The following ZNF679 variants were observed in gnomAD, a reference collection of about 807,000 sequenced individuals.
ZNF679 encodes zinc finger protein 679.
Under a neutral mutation model 13.4 loss-of-function variants are expected in ZNF679, and 10 were observed. The ratio of observed to expected loss-of-function variants is 0.75; its 90% CI spans 0.46 to 1.27. ZNF679 has a LOEUF of 1.27. Ranked by LOEUF, ZNF679 falls within the 50% of genes most tolerant of loss-of-function variation. ZNF679 has a pLI of 0.00. For missense variants in ZNF679, 525 were observed against 477.8 expected, an observed-to-expected ratio of 1.10 and a Z score of -0.92; for synonymous variants, 179 against 162.5, an observed-to-expected ratio of 1.10 and a Z score of -0.77.
At chr7:64,256,939 G>C (rs924051939) in intron 2 of ZNF679, among the ~76,000 whole-genome samples, 6 of 151,926 alleles carry the variant, frequency 3.9e-5, no homozygotes, top group Non-Finnish European at 7.4e-5. Context: ...ATCATGATCC[G>C]CCCGTCTTGG....
At chr7:64,236,538 C>T (rs1450249267) in intron 1 of ZNF679, among the ~76,000 whole-genome samples, 1 of 151,946 alleles carries the variant, frequency 6.6e-6, no homozygotes, top group East Asian at 2.0e-4. Flanking sequence ...AATCCCAGCA[C>T]TTTGTGGAGG....
At chr7:64,236,967 AAG>A (rs1787730999) in intron 1 of ZNF679, among the ~76,000 whole-genome samples, 2 of 24,028 alleles carry the variant, frequency 8.3e-5, no homozygotes, top group African/African-American at 2.7e-4. Flanking sequence ...GAAAGAAAGA[AAG>A]AAAGAAAAAG....
At chr7:64,236,946 AAAG>A (rs773840801) in intron 1 of ZNF679, among the ~76,000 whole-genome samples, 5 of 38,104 alleles carry the variant, frequency 1.3e-4, no homozygotes, top group Non-Finnish European at 2.1e-4. Flanking sequence ...AGAAAGAAAG[AAAG>A]AAAGAAAGAA....
chr7:64,260,174 G>A (rs772930626), intron 2 of ZNF679, 47 bp from the exon 3 acceptor site: 12 of 1,539,704 alleles, frequency 7.8e-6, no homozygotes, highest in Middle Eastern at 1.7e-4. Context: ...CATAGTAAGT[G>A]TTTGTGTGTT....
At chr7:64,264,308 A>G (rs929811080) in intron 4 of ZNF679, among the ~76,000 whole-genome samples, 12 of 152,026 alleles carry the variant, frequency 7.9e-5, no homozygotes, top group African/African-American at 2.4e-4. Flanking sequence ...TATCTACCCT[A>G]TACATCTTAT....
chr7:64,238,389 C>G (rs1787754009), intron 1 of ZNF679, among the ~76,000 whole-genome samples: 3 of 152,038 alleles, frequency 2.0e-5, no homozygotes, highest in Admixed American at 2.0e-4. Flanking sequence ...TCCCCCATTG[C>G]AACACTATTA....
rs764672354 is a variant in ZNF679, at chr7:64,266,046, AAGG to A, written c.417_419del (p.Gly140del). On this transcript the variant is annotated inframe_deletion, in exon 5 of 5. Coordinates refer to ENST00000421025, the MANE Select transcript of ZNF679 (RefSeq NM_153363.3). ...AGCATGGGTGAGTGTGAGGTGCAAA[AAGG>A]AGGTTGTAATGAAGTTAACCAATGT... The A allele has an allele frequency of 1.2e-6, 2 of 1,613,492 alleles. No homozygotes were observed. The highest frequency in any genetic ancestry group is 2.2e-5 in the East Asian group (1 of 44,800).
intron 1 of ZNF679, among the ~76,000 whole-genome samples, chr7:64,230,561 A>C (rs910044602): frequency 3.3e-5 from 5 of 152,014 alleles, no homozygotes; most frequent in African/African-American, 1.2e-4. Context: ...AAAAAAGAAA[A>C]AGAAAAGGGC....
rs563267018 is a variant in ZNF679, at chr7:64,263,030, C to T, written c.262+2101C>T. Among the ~76,000 whole-genome samples the T allele has an allele frequency of 2.8e-5, 4 of 141,698 alleles. No individual in the cohort carries two copies. The East Asian group carries it at 9.1e-4, about 32-fold the overall frequency. 93.0% of individuals were successfully genotyped at this position (141,698 alleles called of 152,430 possible). A position where few individuals can be genotyped will look rare whatever the true frequency, so the allele number is the denominator to read the frequency against. Reference sequence around the variant, plus strand: ...ATGTATTTTTGATTTGCCAGTTTTACCTTTTTTCTTTTTAGTTTTATCAGT... The same window carrying T: ...ATGTATTTTTGATTTGCCAGTTTTATCTTTTTTCTTTTTAGTTTTATCAGT... On this transcript the variant is annotated intron_variant, in intron 4 of 4. Coordinates refer to ENST00000421025, the MANE Select transcript of ZNF679 (RefSeq NM_153363.3).
rs1019183461 is a variant in ZNF679 at position 64,237,002 on chromosome 7, A to C, written c.-91+8350A>C. ...AAGAAAGAAAGAAAGAAAGAAAGAA[A>C]AAGAAAGAAAGAAAGAAAGAAACCT... On this transcript the variant is annotated intron_variant, in intron 1 of 4. Coordinates refer to ENST00000421025, the MANE Select transcript of ZNF679 (RefSeq NM_153363.3). 7.4e-4 allele frequency among the ~76,000 whole-genome samples: 31 copies of C among 41,680 alleles called. 2 individuals are homozygous for C. Among genetic ancestry groups the C allele is most frequent in the African/African-American group, 5.4e-3 (28 of 5,146 alleles). The allele number at this position is 41,680 out of a possible 152,430, so 27.3% of individuals were successfully genotyped here.
At chr7:64,241,514 G>C (rs556368869) in intron 1 of ZNF679, among the ~76,000 whole-genome samples, 15 of 152,386 alleles carry the variant, frequency 9.8e-5, no homozygotes, top group Admixed American at 6.5e-4. Context: ...AGGCAGTACA[G>C]TTACATCACC....
intron 1 of ZNF679, among the ~76,000 whole-genome samples, chr7:64,233,253 C>CAAAA (rs71060564): frequency 7.9e-6 from 1 of 126,252 alleles, no homozygotes; most frequent in Non-Finnish European, 1.7e-5. Flanking sequence ...AACAAATAAA[C>CAAAA]AAAAAAAAAA....
At position 64,237,988 on chromosome 7, in the gene ZNF679, C is replaced by G. The variant is rs147907501; in HGVS notation, c.-91+9336C>G. On this transcript the variant is annotated intron_variant, in intron 1 of 4. Coordinates refer to ENST00000421025, the MANE Select transcript of ZNF679 (RefSeq NM_153363.3). ...AGAAAACTCTCTAATGCTTTGTGTT[C>G]TGTAAGAACAACTTACTGCAAAGAA... Among the ~76,000 whole-genome samples, 146 of 152,236 alleles carry G rather than the reference C, an allele frequency of 9.6e-4. 3 individuals are homozygous for G. The East Asian group carries it at 0.028, about 29-fold the overall frequency.
At chr7:64,228,726 C>A (rs1787594480) in intron 1 of ZNF679, 74 bp downstream of exon 1, 1 of 152,236 alleles carries the variant, frequency 6.6e-6, no homozygotes, top group Non-Finnish European at 1.5e-5. Context: ...TCCATCTCCA[C>A]CTGCAAACAG....
At chr7:64,242,698 C>T (rs1787814051) in intron 1 of ZNF679, among the ~76,000 whole-genome samples, 1 of 152,114 alleles carries the variant, frequency 6.6e-6, no homozygotes, top group African/African-American at 2.4e-5. Flanking sequence ...TTGTGCTGGG[C>T]CCTACTATAA....
chr7:64,230,425 G>T (rs1048327388), intron 1 of ZNF679, among the ~76,000 whole-genome samples: 3 of 151,858 alleles, frequency 2.0e-5, no homozygotes, highest in East Asian at 2.0e-4. Context: ...CCCAGCTACT[G>T]GGGAGGCTGA....
chr7:64,240,796 GGTATAAGA>G (rs1487014594), intron 1 of ZNF679, among the ~76,000 whole-genome samples: 1 of 152,158 alleles, frequency 6.6e-6, no homozygotes, highest in Non-Finnish European at 1.5e-5. Flanking sequence ...TCCTGCTAAA[GGTATAAGA>G]GTCAACACCT....
intron 1 of ZNF679, among the ~76,000 whole-genome samples, chr7:64,236,939 A>AAG (rs1406631086): frequency 2.3e-5 from 1 of 43,832 alleles, no homozygotes; most frequent in Non-Finnish European, 4.2e-5. Flanking sequence ...GAAAGAAAGA[A>AAG]AGAAAGAAAG....
chr7:64,259,957 G>A (rs927757641), intron 2 of ZNF679, among the ~76,000 whole-genome samples: 1 of 151,654 alleles, frequency 6.6e-6, no homozygotes, highest in Non-Finnish European at 1.5e-5. Flanking sequence ...AAAAAGAAAA[G>A]AAAAAAATAG....
Sources: gnomAD v4.1 joint callset for allele counts (sites outside exome capture counted in the v4.1 genomes callset) on GRCh38, gnomAD v4.1.1 for gene constraint, MANE v1.5 for transcripts, NCBI Gene and HGNC (gene_info 2026-07-23, HGNC 2026-07-21) for gene names.